The following SELENOO variants were observed in gnomAD, a reference collection of about 807,000 sequenced individuals.
SELENOO encodes the protein protein adenylyltransferase SelO, mitochondrial.
In SELENOO, 74 loss-of-function variants were observed where a neutral mutation model predicts 58.7. The ratio of observed to expected loss-of-function variants is 1.26; its 90% CI spans 1.04 to 1.53. SELENOO has a LOEUF of 1.53. SELENOO is among the 40% of genes most tolerant of loss of function. SELENOO has a pLI of 0.00. For missense variants in SELENOO, 1,149 were observed against 970.0 expected (o/e 1.18, Z -2.45); for synonymous variants, 543 against 453.2 (o/e 1.20, Z -2.52).
intron 2 of SELENOO, 115 bp downstream of exon 2, chr22:50,206,635 C>T (rs1415599077): frequency 1.1e-6 from 1 of 932,470 alleles, no homozygotes; most frequent in Non-Finnish European, 1.6e-6. Flanking sequence ...GCCTTGGCCT[C>T]TTCTGAAAGT....
At chr22:50,215,628 AGGGGGGT>A (rs2064400706) in intron 5 of SELENOO, 82 bp from the exon 6 acceptor site, 41 of 1,000,356 alleles carry the variant, frequency 4.1e-5, no homozygotes, top group African/African-American at 8.0e-5. Flanking sequence ...CACCTGTGCC[AGGGGGGT>A]GGGGGGGGGG....
At chr22:50,215,642 G>A (rs1355307119) in intron 5 of SELENOO, 75 bp from the exon 6 acceptor site, 4 of 1,234,908 alleles carry the variant, frequency 3.2e-6, no homozygotes, top group South Asian at 1.5e-5. Flanking sequence ...GGGTGGGGGG[G>A]GGGGGGTCTG....
chr22:50,204,256 G>C (rs187869827), intron 1 of SELENOO, among the ~76,000 whole-genome samples: 2 of 152,104 alleles, frequency 1.3e-5, no homozygotes, highest in Admixed American at 6.5e-5. Flanking sequence ...GCTTGAACCC[G>C]GGAGGTGGAG....
At chr22:50,202,801 C>A (rs2064311487) in intron 1 of SELENOO, among the ~76,000 whole-genome samples, 1 of 152,210 alleles carries the variant, frequency 6.6e-6, no homozygotes, top group Non-Finnish European at 1.5e-5. Flanking sequence ...TACTCAGGCC[C>A]TGCCTGACAT....
intron 1 of SELENOO, among the ~76,000 whole-genome samples, chr22:50,204,752 A>G (rs553815873): frequency 6.6e-6 from 1 of 152,334 alleles, no homozygotes; most frequent in Non-Finnish European, 1.5e-5. Flanking sequence ...TCAAATAATT[A>G]AATCACCACA....
rs1229388575 is a variant in SELENOO, at chr22:50,216,873, A to G, written c.1685A>G (p.Tyr562Cys). The change falls in exon 7 of 9, where the codon TAC (tyrosine) becomes TGC (cysteine). Residue 562 changes from tyrosine to cysteine, a missense_variant. By Grantham distance (194) the Tyr-to-Cys change is radical. Transcript: ENST00000380903. ...QGHWADWLQA[Y>C]RARLDKDLEG... ...CACTGGGCTGACTGGCTACAGGCGT[A>G]CAGGTGAGCCCTGCGTCCATGGTCA... The G allele has an allele frequency of 1.1e-5, 17 of 1,607,216 alleles. No homozygotes were observed. The highest frequency in any genetic ancestry group is 5.1e-6 in the Non-Finnish European group (6 of 1,179,850).
chr22:50,208,845 C>T (rs2272850), intron 3 of SELENOO, 129 bp downstream of exon 3: 17,088 of 837,564 alleles, frequency 0.02, 506 homozygotes, highest in East Asian at 0.13. Context: ...TCTGAGCTCC[C>T]GCTCCTGTCC....
chr22:50,201,402 G>T lies in SELENOO; in HGVS notation c.366G>T (p.Leu122=). Residue 122 remains leucine, a synonymous_variant, in exon 1 of 9, where the codon CTG becomes CTT. Coordinates refer to ENST00000380903, the MANE Select transcript of SELENOO (RefSeq NM_031454.2). The part of the protein sequence containing the change: ...PAREAEAEAA[L]FFSGNALLPG... ...GCGAGGCCGAGGCCGAGGCCGCGCT[G>T]TTCTTCAGCGGCAACGCGCTCCTGC... The T allele has an allele frequency of 1.5e-6, 2 of 1,330,646 alleles. No homozygotes were observed. The highest frequency in any genetic ancestry group is 1.9e-6 in the Non-Finnish European group (2 of 1,035,896). 82.4% of individuals were successfully genotyped at this position (1,330,646 alleles called of 1,614,324 possible).
At position 50,217,552 on chromosome 22, in the gene SELENOO, C is replaced by G; in HGVS notation, c.*183C>G. The G allele has an allele frequency of 1.0e-6, 1 of 961,840 alleles. No individual in the cohort carries two copies. Among genetic ancestry groups the G allele is most frequent in the South Asian group, 1.7e-5 (1 of 59,356 alleles). The allele number at this position is 961,840 out of a possible 1,614,324, so 59.6% of individuals were successfully genotyped here. A position where few individuals can be genotyped will look rare whatever the true frequency, so the allele number is the denominator to read the frequency against. On this transcript the variant is annotated 3_prime_UTR_variant, in exon 9 of 9. Transcript: ENST00000380903. ...GACCCGTCTCTGTCTGAGGCCGGCT[C>G]AGCAGTGCAGCCTGGTCCCTGGGGG...
intron 5 of SELENOO, among the ~76,000 whole-genome samples, chr22:50,211,604 C>T (rs753913742): frequency 5.3e-5 from 8 of 152,222 alleles, no homozygotes; most frequent in Admixed American, 1.3e-4. Context: ...ATGCTTTTTC[C>T]TGCAATGAAG....
intron 6 of SELENOO, 113 bp downstream of exon 6, chr22:50,215,980 C>T (rs2064406501): frequency 2.2e-6 from 2 of 913,558 alleles, no homozygotes; most frequent in African/African-American, 1.7e-5. Context: ...CAGGTGGCTG[C>T]TCCGCTCCCA....
At chr22:50,216,228 G>A (rs919856388) in intron 6 of SELENOO, among the ~76,000 whole-genome samples, 1 of 152,346 alleles carries the variant, frequency 6.6e-6, no homozygotes, top group Non-Finnish European at 1.5e-5. Flanking sequence ...CCACGTGCAG[G>A]ATGAGACGTG....
At chr22:50,201,981 C>T (rs1043735082) in intron 1 of SELENOO, among the ~76,000 whole-genome samples, 2 of 152,218 alleles carry the variant, frequency 1.3e-5, no homozygotes, top group South Asian at 2.1e-4. Context: ...CCTGACTTCC[C>T]TGCGGGCAGC....
In SELENOO at chr22:50,217,371, G is replaced by A. The variant is rs370497104; in HGVS notation, c.*2G>A. 25 of 1,612,456 alleles carry A rather than the reference G, an allele frequency of 1.6e-5. No homozygotes were observed. In the African/African-American group the frequency reaches 2.0e-4, roughly 13 times the overall value. ...CTGTGCGTGACATGATCTTCGTAAC[G>A]GCCTCGGCACGCTCCACACCCCTGG... On this transcript the variant is annotated 3_prime_UTR_variant, in exon 9 of 9. Transcript: ENST00000380903.
At chr22:50,213,743 G>T (rs1214532168) in intron 5 of SELENOO, among the ~76,000 whole-genome samples, 1 of 152,040 alleles carries the variant, frequency 6.6e-6, no homozygotes, top group Non-Finnish European at 1.5e-5. Context: ...CACCTCCCAG[G>T]TTCACGGCAT....
chr22:50,205,295 C>T (rs954261330), intron 1 of SELENOO, among the ~76,000 whole-genome samples: 22 of 152,166 alleles, frequency 1.4e-4, no homozygotes, highest in African/African-American at 4.8e-4. Flanking sequence ...TTATAAATGG[C>T]TAAGATGGGC....
chr22:50,207,613 G>A (rs1402166806), intron 2 of SELENOO, among the ~76,000 whole-genome samples: 4 of 150,950 alleles, frequency 2.6e-5, no homozygotes, highest in East Asian at 2.0e-4. Context: ...CTGGGGCCAC[G>A]ACTTCCTCTG....
intron 4 of SELENOO, 45 bp downstream of exon 4, chr22:50,210,356 G>A (rs1296916681): frequency 6.3e-7 from 1 of 1,596,900 alleles, no homozygotes; most frequent in Non-Finnish European, 8.5e-7. Flanking sequence ...CCAGGGCTGG[G>A]GGGTGCGGGC....
chr22:50,208,300 T>G (rs896250249), intron 2 of SELENOO, among the ~76,000 whole-genome samples: 2 of 151,918 alleles, frequency 1.3e-5, no homozygotes, highest in Non-Finnish European at 2.9e-5. Flanking sequence ...CGTGGTGGCG[T>G]GTGCCTGTAA....
Sources: allele counts gnomAD v4.1 joint callset (sites outside exome capture counted in the v4.1 genomes callset), GRCh38; gene constraint gnomAD v4.1.1; transcripts MANE v1.5; gene names NCBI Gene and HGNC (gene_info 2026-07-23, HGNC 2026-07-21).